The following EPHB1 variants were observed in gnomAD, a reference collection of about 807,000 sequenced individuals.
The protein encoded by EPHB1 is ephrin type-B receptor 1.
Under a neutral mutation model 94.4 loss-of-function variants are expected in EPHB1, and 30 were observed. The ratio of observed to expected loss-of-function variants is 0.32; its 90% confidence interval spans 0.24 to 0.43. EPHB1 has a LOEUF of 0.43. EPHB1 is among the 20% of genes least tolerant of loss of function. The probability of loss-of-function intolerance (pLI) is 1.00; values close to 1 mark genes in which losing one functional copy is unlikely to be tolerated. For missense variants in EPHB1, 1,055 were observed against 1,308.3 expected (o/e 0.81, Z 2.99); for synonymous variants, 522 against 489.1 (o/e 1.07, Z -0.89).
chr3:134,922,471 A>G (rs2038708167), intron 1 of EPHB1, among the ~76,000 whole-genome samples: 1 of 152,336 alleles, frequency 6.6e-6, no homozygotes, highest in South Asian at 2.1e-4. Context: ...TGTGTGGAAA[A>G]CATTATTTAG....
At chr3:134,901,139 T>G (rs1473617402) in intron 1 of EPHB1, among the ~76,000 whole-genome samples, 3 of 152,342 alleles carry the variant, frequency 2.0e-5, no homozygotes, top group African/African-American at 7.2e-5. Flanking sequence ...ACATATTTTC[T>G]TTCTTTAACA....
intron 3 of EPHB1, among the ~76,000 whole-genome samples, chr3:135,084,544 C>T (rs1241829786): frequency 6.6e-6 from 1 of 152,090 alleles, no homozygotes; most frequent in African/African-American, 2.4e-5. Context: ...AGAGAGCGAG[C>T]CTGTGTTAAA....
At chr3:134,890,497 T>G (rs540779850) in intron 1 of EPHB1, among the ~76,000 whole-genome samples, 3 of 152,244 alleles carry the variant, frequency 2.0e-5, no homozygotes, top group Non-Finnish European at 4.4e-5. Context: ...GTACCTCCTT[T>G]GTACATTTCT....
At chr3:135,193,630 C>A (rs1316145894) in intron 11 of EPHB1, among the ~76,000 whole-genome samples, 5 of 152,204 alleles carry the variant, frequency 3.3e-5, no homozygotes, top group Non-Finnish European at 7.3e-5. Flanking sequence ...GCAGAGCCTT[C>A]TGAGCAAGGA....
At chr3:135,213,854 C>A (rs139951211) in intron 12 of EPHB1, among the ~76,000 whole-genome samples, 255 of 152,284 alleles carry the variant, frequency 1.7e-3, no homozygotes, top group Middle Eastern at 6.8e-3. Context: ...TCCTTCAGAG[C>A]CCCCAGGCTG....
At chr3:134,926,623 G>C (rs575118576) in intron 2 of EPHB1, among the ~76,000 whole-genome samples, 1 of 152,348 alleles carries the variant, frequency 6.6e-6, no homozygotes, top group East Asian at 1.9e-4. Flanking sequence ...GTATGGAAGA[G>C]AGCATGGTGT....
intron 3 of EPHB1, among the ~76,000 whole-genome samples, chr3:135,088,440 T>TA (rs1430756702): frequency 6.6e-6 from 1 of 152,226 alleles, no homozygotes; most frequent in East Asian, 1.9e-4. Flanking sequence ...GTAAGGAACA[T>TA]AAAAATGAAA....
At chr3:135,081,890 AAC>A (rs1938178564) in intron 3 of EPHB1, among the ~76,000 whole-genome samples, 1 of 152,056 alleles carries the variant, frequency 6.6e-6, no homozygotes, top group African/African-American at 2.4e-5. Flanking sequence ...GTGGGCAGAA[AAC>A]ACAGAGCTGC....
chr3:135,255,024 C>G (rs1475272916), intron 15 of EPHB1, among the ~76,000 whole-genome samples: 1 of 152,164 alleles, frequency 6.6e-6, no homozygotes, highest in East Asian at 1.9e-4. Context: ...GTAGTATTCT[C>G]TGATGGTAGT....
intron 13 of EPHB1, among the ~76,000 whole-genome samples, chr3:135,243,447 A>C (rs2107729079): frequency 6.6e-6 from 1 of 152,200 alleles, no homozygotes; most frequent in East Asian, 1.9e-4. Context: ...GATGGGTCTC[A>C]GAGGGAATAA....
intron 3 of EPHB1, among the ~76,000 whole-genome samples, chr3:135,099,352 G>A (rs1158460912): frequency 7.4e-6 from 1 of 135,700 alleles, no homozygotes; most frequent in Non-Finnish European, 1.6e-5. Flanking sequence ...TGGATGGATG[G>A]ATGGATGGAA....
chr3:134,975,317 G>T (rs1240979886), intron 3 of EPHB1, among the ~76,000 whole-genome samples: 1 of 152,136 alleles, frequency 6.6e-6, no homozygotes, highest in Non-Finnish European at 1.5e-5. Context: ...GAGAGCCTTG[G>T]GCAGGGCAGG....
intron 3 of EPHB1, among the ~76,000 whole-genome samples, chr3:135,063,663 T>A (rs9863262): frequency 1 from 152,065 of 152,286 alleles, 75,922 homozygotes; most frequent in Non-Finnish European, 1. Flanking sequence ...TTTCTTTACC[T>A]ATTTGGATGC....
At chr3:135,107,941 G>A (rs1371043835) in intron 4 of EPHB1, among the ~76,000 whole-genome samples, 1 of 152,142 alleles carries the variant, frequency 6.6e-6, no homozygotes, top group Non-Finnish European at 1.5e-5. Flanking sequence ...TGATTTCTGA[G>A]GTTGCCCTGG....
intron 9 of EPHB1, among the ~76,000 whole-genome samples, chr3:135,179,559 A>G (rs1942094223): frequency 6.6e-6 from 1 of 152,180 alleles, no homozygotes; most frequent in Non-Finnish European, 1.5e-5. Flanking sequence ...TTCTGTGAGC[A>G]CCCGGTGTGG....
At chr3:135,057,676 C>T (rs562065633) in intron 3 of EPHB1, among the ~76,000 whole-genome samples, 5 of 152,248 alleles carry the variant, frequency 3.3e-5, no homozygotes, top group African/African-American at 4.8e-5. Flanking sequence ...TTTCCAATCT[C>T]GATGTCAGAT....
intron 2 of EPHB1, among the ~76,000 whole-genome samples, chr3:134,934,888 G>A (rs2038971950): frequency 6.6e-6 from 1 of 152,172 alleles, no homozygotes; most frequent in Non-Finnish European, 1.5e-5. Flanking sequence ...GACTCTGGGA[G>A]GGAATTCCAG....
At chr3:134,909,866 T>C (rs1198721799) in intron 1 of EPHB1, among the ~76,000 whole-genome samples, 2 of 152,176 alleles carry the variant, frequency 1.3e-5, no homozygotes, top group Non-Finnish European at 2.9e-5. Context: ...AACTGCCCAG[T>C]GTTAGGAGAC....
At chr3:135,223,138 T>G (rs1269444953) in intron 12 of EPHB1, among the ~76,000 whole-genome samples, 2 of 152,202 alleles carry the variant, frequency 1.3e-5, no homozygotes, top group Non-Finnish European at 2.9e-5. Flanking sequence ...ACATCAAAAT[T>G]AAGACACATT....
Sources: allele counts gnomAD v4.1 joint callset (sites outside exome capture counted in the v4.1 genomes callset), GRCh38; gene constraint gnomAD v4.1.1; transcripts MANE v1.5; gene names NCBI Gene and HGNC (gene_info 2026-07-23, HGNC 2026-07-21).